The following CRACDL variants were observed in gnomAD, a reference collection of about 807,000 sequenced individuals.
The protein encoded by CRACDL is CRACD like, also known as CRACD-like protein.
A neutral mutation model predicts 70.6 loss-of-function variants in CRACDL; 26 were observed. The observed-to-expected ratio is 0.37, with a 90% CI of 0.27 to 0.51. CRACDL has a LOEUF of 0.51. CRACDL is among the 20% of genes least tolerant of loss of function. The pLI is 0.94. For synonymous variants in CRACDL, 618 were observed against 615.2 expected (o/e 1.00, Z -0.07); for missense variants, 1,283 against 1,376.9 (o/e 0.93, Z 1.08).
At chr2:98,880,457 A>G (rs1022253088) in intron 1 of CRACDL, among the ~76,000 whole-genome samples, 1 of 152,202 alleles carries the variant, frequency 6.6e-6, no homozygotes, top group African/African-American at 2.4e-5. Context: ...CGGAGTTGTG[A>G]CTAAAAGGTA....
rs139582681 is a variant in CRACDL at position 98,802,813 on chromosome 2, C to T, written c.2417-5276G>A. Among the ~76,000 whole-genome samples the T allele has an allele frequency of 1.7e-3, 259 of 152,268 alleles. 1 individual carries two copies. Among genetic ancestry groups the T allele is most frequent in the Middle Eastern group, 0.014 (4 of 294 alleles). On this transcript the variant is annotated intron_variant, in intron 7 of 9. Transcript: ENST00000397899. Reference sequence around the variant, plus strand: ...AGTCTCCTGAGAGGCAACGAGTTGTCGTACAATGTAAATTCCCAGGTTGCT... The same window carrying T: ...AGTCTCCTGAGAGGCAACGAGTTGTTGTACAATGTAAATTCCCAGGTTGCT...
In CRACDL at chr2:98,822,757, T is replaced by C. The variant is rs1264592939; in HGVS notation, c.1516A>G (p.Ser506Gly). 8 of 1,266,756 alleles carry C rather than the reference T, an allele frequency of 6.3e-6. No individual in the cohort carries two copies. The highest frequency in any genetic ancestry group is 1.6e-5 in the African/African-American group (1 of 64,140). The allele number at this position is 1,266,756 out of a possible 1,614,324, so 78.5% of individuals were successfully genotyped here. The change falls in exon 7 of 10, where the codon AGC becomes GGC. Residue 506 changes from serine (S) to glycine (G), a missense_variant. By Grantham distance (56) the Ser-to-Gly change is moderately conservative. Coordinates refer to ENST00000397899, the MANE Select transcript of CRACDL (RefSeq NM_207362.3). The surrounding 1 kb of genome is among the most constrained non-coding windows in gnomAD (Gnocchi z 4.9). ...SCLKHRPAAA[S>G]EGPAASPPLA... The stretch of plus-strand genomic sequence containing the variant: ...GGCGGGGACGCGGCGGGGCCCTCGC[T>C]GGCGGCCGCGGGCCGGTGTTTCAGG...
chr2:98,891,864 C>A (rs1440840608), intron 1 of CRACDL, among the ~76,000 whole-genome samples: 1 of 152,102 alleles, frequency 6.6e-6, no homozygotes, highest in African/African-American at 2.4e-5. Context: ...CTGTATCCAT[C>A]CTTGATTTAT....
chr2:98,821,823 C>A (rs370809977), intron 7 of CRACDL, 34 bp downstream of exon 7: 1 of 1,603,330 alleles, frequency 6.2e-7, no homozygotes, highest in African/African-American at 1.3e-5. Flanking sequence ...TCTCCCCAGG[C>A]CCTGCCCTTC....
Position 98,823,337 on chromosome 2 carries a change from C to T in CRACDL, c.936G>A (p.Leu312=), listed in dbSNP as rs1392173021. Reference sequence around the variant, plus strand: ...TGGCCGTGAGCGCGGAGGAGTGCTGCAGGCGGGCGCGTCTGGCACGGGCCC... The same window carrying T: ...TGGCCGTGAGCGCGGAGGAGTGCTGTAGGCGGGCGCGTCTGGCACGGGCCC... ...PGGARARRAR[L]QHSSALTASV... is the part of the protein sequence containing the mutation. The change falls in exon 7 of 10, where the codon CTG becomes CTA. Residue 312 remains leucine, a synonymous_variant. Transcript: ENST00000397899. The surrounding 1 kb of genome is among the most constrained non-coding windows in gnomAD (Gnocchi z 4.0). 6.7e-7 allele frequency: 1 copy of T among 1,495,280 alleles called. No homozygotes were observed. Among genetic ancestry groups the T allele is most frequent in the Non-Finnish European group, 8.8e-7 (1 of 1,131,440 alleles). 92.6% of individuals were successfully genotyped at this position (1,495,280 alleles called of 1,614,324 possible).
intron 2 of CRACDL, among the ~76,000 whole-genome samples, chr2:98,844,471 T>C (rs961137247): frequency 2.0e-5 from 3 of 152,184 alleles, no homozygotes; most frequent in Admixed American, 6.5e-5. Context: ...GTGGCCATAG[T>C]TCCCCTTTTC....
intron 1 of CRACDL, among the ~76,000 whole-genome samples, chr2:98,927,045 T>C (rs1708924263): frequency 6.6e-6 from 1 of 152,182 alleles, no homozygotes; most frequent in African/African-American, 2.4e-5. Context: ...CTCCACCTGC[T>C]CTGAAAGTCA....
intron 1 of CRACDL, among the ~76,000 whole-genome samples, chr2:98,862,771 A>C (rs1170766671): frequency 3.9e-5 from 6 of 152,180 alleles, no homozygotes; most frequent in Non-Finnish European, 8.8e-5. Flanking sequence ...AAAAGTGAAC[A>C]GAAAATAGGG....
chr2:98,922,987 A>G (rs1708839581), intron 1 of CRACDL, among the ~76,000 whole-genome samples: 1 of 152,214 alleles, frequency 6.6e-6, no homozygotes. Context: ...TTAAATTTAT[A>G]GGCCAGGAGC....
chr2:98,797,349 C>T lies in CRACDL; in HGVS notation c.2604+1G>A. On this transcript the variant is annotated splice_donor_variant, in intron 8 of 9. Coordinates refer to ENST00000397899, the MANE Select transcript of CRACDL (RefSeq NM_207362.3). LOFTEE classifies it high-confidence loss of function. ...AGAACAGAAGTATTTGCTCTAAGCACCTGGCCTCTCTCGGGCACCTTGGCT... is the reference window on the plus strand; with the variant it reads ...AGAACAGAAGTATTTGCTCTAAGCATCTGGCCTCTCTCGGGCACCTTGGCT... 1 of 1,614,142 alleles carries T rather than the reference C, an allele frequency of 6.2e-7. No individual in the cohort carries two copies. Among genetic ancestry groups the T allele is most frequent in the Non-Finnish European group, 8.5e-7 (1 of 1,179,990 alleles).
intron 1 of CRACDL, among the ~76,000 whole-genome samples, chr2:98,852,997 A>G (rs1156723027): frequency 6.4e-5 from 5 of 78,456 alleles, no homozygotes; most frequent in African/African-American, 1.0e-4. Context: ...GAGAGGGAGG[A>G]GAGGGGAGGG....
At chr2:98,913,294 G>C (rs560217206) in intron 1 of CRACDL, among the ~76,000 whole-genome samples, 2 of 152,202 alleles carry the variant, frequency 1.3e-5, no homozygotes, top group Non-Finnish European at 2.9e-5. Context: ...GTGGAGTGCT[G>C]TCTAGAGGGA....
chr2:98,859,156 A>C (rs1351614306), intron 1 of CRACDL, among the ~76,000 whole-genome samples: 6 of 152,214 alleles, frequency 3.9e-5, no homozygotes, highest in Non-Finnish European at 8.8e-5. Flanking sequence ...TTACCCTAAT[A>C]CCAAACCCAA....
intron 7 of CRACDL, among the ~76,000 whole-genome samples, chr2:98,804,190 G>C (rs1285107723): frequency 6.6e-6 from 1 of 152,168 alleles, no homozygotes. Flanking sequence ...AAACCATGCT[G>C]AGCATTTTGA....
chr2:98,824,634 C>T (rs1434702753), intron 6 of CRACDL, among the ~76,000 whole-genome samples: 1 of 152,182 alleles, frequency 6.6e-6, no homozygotes, highest in Non-Finnish European at 1.5e-5. Flanking sequence ...CACCAAGAGT[C>T]ACCCAGGCTA....
intron 1 of CRACDL, among the ~76,000 whole-genome samples, chr2:98,867,303 C>T (rs1261258363): frequency 2.0e-5 from 3 of 152,176 alleles, no homozygotes; most frequent in African/African-American, 7.2e-5. Flanking sequence ...AATTAACTAA[C>T]TTAGCTAGGC....
intron 1 of CRACDL, among the ~76,000 whole-genome samples, chr2:98,863,152 A>G (rs940070811): frequency 6.6e-6 from 1 of 152,194 alleles, no homozygotes; most frequent in Non-Finnish European, 1.5e-5. Flanking sequence ...AAGCAGCAAG[A>G]GAGATGTGAC....
At chr2:98,906,450 C>A (rs1330002068) in intron 1 of CRACDL, among the ~76,000 whole-genome samples, 1 of 151,962 alleles carries the variant, frequency 6.6e-6, no homozygotes, top group Admixed American at 6.6e-5. Context: ...TTAGTACAGA[C>A]GGGGTTTTGC....
At position 98,809,170 on chromosome 2, in the gene CRACDL, T is replaced by C. The variant is rs569360957; in HGVS notation, c.2417-11633A>G. On this transcript the variant is annotated intron_variant, in intron 7 of 9. Coordinates refer to ENST00000397899, the MANE Select transcript of CRACDL (RefSeq NM_207362.3). ...GACTCCTGAATGCAGGGTGTCTGAG[T>C]TGGGGCGGAGACTCCTTTCCCGAGG... is the stretch of plus-strand genomic sequence containing the variant. Among the ~76,000 whole-genome samples the C allele has an allele frequency of 4.6e-5, 7 of 152,048 alleles. No individual in the cohort carries two copies. The South Asian group carries it at 1.3e-3, about 27-fold the overall frequency.
Sources: gnomAD v4.1 joint callset for allele counts (sites outside exome capture counted in the v4.1 genomes callset) on GRCh38, gnomAD v4.1.1 for gene constraint, Gnocchi (gnomAD v3.1) non-coding constraint, MANE v1.5 for transcripts, NCBI Gene and HGNC (gene_info 2026-07-23, HGNC 2026-07-21) for gene names.